PCDH15: variants seen among roughly 807,000 people sequenced by gnomAD.
PCDH15 encodes the protein protocadherin-15.
In PCDH15, 129 loss-of-function variants were observed where a neutral mutation model predicts 178.5. That is an observed-to-expected ratio of 0.72 (90% CI 0.63 to 0.84). PCDH15 has a LOEUF of 0.84. Among genes scored for constraint, PCDH15 ranks in the 40% least tolerant of loss-of-function variants. The pLI is 0.00. For synonymous variants in PCDH15, 800 were observed against 732.0 expected, an observed-to-expected ratio of 1.09 and a Z score of -1.50; for missense variants, 2,230 against 2,099.9, an observed-to-expected ratio of 1.06 and a Z score of -1.21.
chr10:54,589,015 G>A (rs2091702620), intron 2 of PCDH15, among the ~76,000 whole-genome samples: 1 of 151,972 alleles, frequency 6.6e-6, no homozygotes, highest in African/African-American at 2.4e-5. Context: ...CTTGTTCTCT[G>A]TTATTTCCCA....
At chr10:54,826,859 G>A (rs866636060) in intron 3 of PCDH15, among the ~76,000 whole-genome samples, 2 of 152,160 alleles carry the variant, frequency 1.3e-5, no homozygotes, top group African/African-American at 4.8e-5. Context: ...TCCCTCCCTA[G>A]AAGGTATCAA....
chr10:53,829,888 C>T (rs551175561), intron 30 of PCDH15, among the ~76,000 whole-genome samples: 2 of 152,178 alleles, frequency 1.3e-5, no homozygotes, highest in Non-Finnish European at 2.9e-5. Flanking sequence ...TTTTTAGTTT[C>T]CATTCATAGC....
chr10:55,159,492 C>T (rs1839001953), intron 2 of PCDH15, among the ~76,000 whole-genome samples: 1 of 148,878 alleles, frequency 6.7e-6, no homozygotes, highest in African/African-American at 2.5e-5. Context: ...CACACACATA[C>T]ACACACACAC....
At chr10:53,877,661 T>C (rs2080343689) in intron 26 of PCDH15, among the ~76,000 whole-genome samples, 1 of 152,182 alleles carries the variant, frequency 6.6e-6, no homozygotes, top group Non-Finnish European at 1.5e-5. Flanking sequence ...CTTCTGACTA[T>C]CATATGTGGT....
chr10:54,330,280 C>T (rs1591828144), intron 6 of PCDH15, among the ~76,000 whole-genome samples: 2 of 150,738 alleles, frequency 1.3e-5, no homozygotes, highest in Non-Finnish European at 3.0e-5. Flanking sequence ...GATTCACAAA[C>T]CTAAAATGGT....
chr10:54,916,447 C>G (rs1172396519), intron 2 of PCDH15, among the ~76,000 whole-genome samples: 1 of 152,098 alleles, frequency 6.6e-6, no homozygotes, highest in African/African-American at 2.4e-5. Flanking sequence ...AATATCATTC[C>G]TCATCTGGTA....
chr10:54,207,065 G>A (rs150389793), intron 10 of PCDH15, among the ~76,000 whole-genome samples: 72 of 152,200 alleles, frequency 4.7e-4, no homozygotes, highest in African/African-American at 1.6e-3. Flanking sequence ...AGCAGTTACA[G>A]GTCACCTTGT....
intron 15 of PCDH15, among the ~76,000 whole-genome samples, chr10:54,121,760 T>C (rs2095223355): frequency 6.6e-6 from 1 of 151,918 alleles, no homozygotes; most frequent in African/African-American, 2.4e-5. Context: ...CGGGAAGAAA[T>C]TGAAACACTG....
chr10:55,259,052 G>C (rs1240823469), intron 1 of PCDH15, among the ~76,000 whole-genome samples: 1 of 152,094 alleles, frequency 6.6e-6, no homozygotes, highest in Non-Finnish European at 1.5e-5. Context: ...ATTTGAGACT[G>C]ATTTCCCTCT....
At chr10:54,800,816 T>C (rs886382073) in intron 1 of PCDH15, 109 bp downstream of exon 1, 1 of 152,148 alleles carries the variant, frequency 6.6e-6, no homozygotes, top group African/African-American at 2.4e-5. Context: ...TGACAGAAAG[T>C]AGCATCATGA....
At chr10:55,111,143 G>A (rs1837491211) in intron 2 of PCDH15, among the ~76,000 whole-genome samples, 1 of 152,112 alleles carries the variant, frequency 6.6e-6, no homozygotes, top group Non-Finnish European at 1.5e-5. Flanking sequence ...AGTAGAATAA[G>A]AAAACAGCTC....
intron 2 of PCDH15, among the ~76,000 whole-genome samples, chr10:55,496,499 C>T (rs1054064419): frequency 6.6e-6 from 1 of 151,546 alleles, no homozygotes; most frequent in Admixed American, 6.6e-5. Flanking sequence ...AACACACACA[C>T]AGAATTAGAC....
At chr10:55,397,672 G>A (rs546165443) in intron 2 of PCDH15, among the ~76,000 whole-genome samples, 15 of 151,822 alleles carry the variant, frequency 9.9e-5, no homozygotes, top group Admixed American at 2.0e-4. Context: ...AACCTCTCTC[G>A]TCTCCCGGGT....
chr10:54,492,248 A>T (rs929246245), intron 3 of PCDH15, among the ~76,000 whole-genome samples: 10 of 152,170 alleles, frequency 6.6e-5, no homozygotes, highest in Non-Finnish European at 1.2e-4. Context: ...AAAGTGAGAG[A>T]TACAAAGACC....
chr10:55,426,566 A>G (rs1358556286), intron 2 of PCDH15, among the ~76,000 whole-genome samples: 2 of 152,230 alleles, frequency 1.3e-5, no homozygotes, highest in African/African-American at 4.8e-5. Flanking sequence ...TCGGCCGTCC[A>G]TGGATGGTGG....
chr10:54,054,527 T>G (rs369890377), intron 18 of PCDH15, among the ~76,000 whole-genome samples: 15 of 152,146 alleles, frequency 9.9e-5, no homozygotes, highest in African/African-American at 3.6e-4. Context: ...ATATCATTCA[T>G]TGTATAGCTG....
intron 26 of PCDH15, among the ~76,000 whole-genome samples, chr10:53,898,772 G>T (rs1406201838): frequency 6.6e-6 from 1 of 152,078 alleles, no homozygotes; most frequent in Admixed American, 6.5e-5. Context: ...AAAGGTAACA[G>T]GACAGGCATG....
At chr10:54,260,293 T>G (rs2132276228) in intron 8 of PCDH15, among the ~76,000 whole-genome samples, 1 of 152,228 alleles carries the variant, frequency 6.6e-6, no homozygotes, top group South Asian at 2.1e-4. Context: ...TCTAAATGTT[T>G]AATTTTTTTT....
chr10:55,590,736 T>C (rs1432908166), intron 2 of PCDH15, among the ~76,000 whole-genome samples: 1 of 152,150 alleles, frequency 6.6e-6, no homozygotes. Flanking sequence ...ATTAAGATTG[T>C]AAGTCACTTT....
Sources: gnomAD v4.1 joint callset for allele counts (sites outside exome capture counted in the v4.1 genomes callset) on GRCh38, gnomAD v4.1.1 for gene constraint, MANE v1.5 for transcripts, NCBI Gene and HGNC (gene_info 2026-07-23, HGNC 2026-07-21) for gene names.